Variants in MCF2L observed in about 807,000 individuals in gnomAD.
MCF2L encodes MCF.2 cell line derived transforming sequence like, also known as guanine nucleotide exchange factor DBS.
MCF2L carries 97 observed loss-of-function variants against 153.4 expected under a neutral mutation model. The ratio of observed to expected loss-of-function variants is 0.63; its 90% CI spans 0.54 to 0.75. The LOEUF (loss-of-function observed/expected upper bound fraction) is 0.75. Ranked by LOEUF, MCF2L falls within the 30% of genes least tolerant of loss-of-function variation. The probability of loss-of-function intolerance (pLI) is 0.00; values close to 1 mark genes in which losing one functional copy is unlikely to be tolerated. For synonymous variants in MCF2L, 659 were observed against 632.2 expected, an observed-to-expected ratio of 1.04 and a Z score of -0.64; for missense variants, 1,347 against 1,495.2, an observed-to-expected ratio of 0.90 and a Z score of 1.64.
At chr13:112,933,089 C>G (rs2081479985) in intron 2 of MCF2L, among the ~76,000 whole-genome samples, 1 of 152,096 alleles carries the variant, frequency 6.6e-6, no homozygotes, top group Non-Finnish European at 1.5e-5. Flanking sequence ...AAGAAAGAAA[C>G]GAACTTAACC....
intron 2 of MCF2L, among the ~76,000 whole-genome samples, chr13:113,019,568 C>T (rs563147048): frequency 1.2e-4 from 18 of 152,216 alleles, no homozygotes; most frequent in Admixed American, 2.0e-4. Flanking sequence ...ACAGGAATCC[C>T]GTTAGGTTTG....
chr13:112,994,077 T>G (rs1334066166), intron 1 of MCF2L, among the ~76,000 whole-genome samples: 2 of 152,110 alleles, frequency 1.3e-5, no homozygotes, highest in Non-Finnish European at 2.9e-5. Context: ...AGCACCTTCA[T>G]GCGGGGTGCG....
At position 113,089,710 on chromosome 13, in the gene MCF2L, C is replaced by A; in HGVS notation, c.2935C>A (p.Pro979Thr). The change falls in exon 26 of 30, where the codon CCC becomes ACC. Residue 979 changes from proline (P) to threonine (T), a missense_variant. Coordinates refer to ENST00000535094, the MANE Select transcript of MCF2L (RefSeq NM_001112732.3). ...CGTCAGCTCAGCGCCACTGACAAAGCCCCCCGAAAAGGGCAAAGGTGGGTA... is the reference window on the plus strand; with the variant it reads ...CGTCAGCTCAGCGCCACTGACAAAGACCCCCGAAAAGGGCAAAGGTGGGTA... ...GYVSSAPLTK[P>T]PEKGKGWSKT... 6.2e-7 allele frequency: 1 copy of A among 1,613,692 alleles called. No homozygotes were observed. The highest frequency in any genetic ancestry group is 8.5e-7 in the Non-Finnish European group (1 of 1,179,892).
chr13:112,898,726 C>T (rs1332324154), intron 1 of MCF2L, among the ~76,000 whole-genome samples: 1 of 152,194 alleles, frequency 6.6e-6, no homozygotes, highest in Non-Finnish European at 1.5e-5. Flanking sequence ...CCCCCCAAGT[C>T]CCTGAGTCCC....
intron 2 of MCF2L, among the ~76,000 whole-genome samples, chr13:113,020,818 C>T (rs117157691): frequency 1.4e-4 from 21 of 151,016 alleles, no homozygotes; most frequent in Admixed American, 7.9e-4. Flanking sequence ...ATAGTGTGTG[C>T]GCGTGTGAAT....
intron 2 of MCF2L, among the ~76,000 whole-genome samples, chr13:112,911,564 C>A (rs1308263219): frequency 6.6e-6 from 1 of 152,242 alleles, no homozygotes; most frequent in African/African-American, 2.4e-5. Context: ...CTTCCAGAGA[C>A]CTGGGCCCCG....
intron 3 of MCF2L, chr13:113,044,813 A>C (rs771113399): frequency 5.6e-6 from 9 of 1,612,904 alleles, no homozygotes; most frequent in Non-Finnish European, 7.6e-6. Context: ...TTCTCCCAGC[A>C]CCGTAGCCAT....
chr13:112,920,157 C>T (rs767337103), intron 2 of MCF2L, among the ~76,000 whole-genome samples: 4 of 152,174 alleles, frequency 2.6e-5, no homozygotes, highest in Admixed American at 6.5e-5. Context: ...ATCTGGCAGA[C>T]AAGCCCGTGT....
chr13:112,979,827 G>T, intron 1 of MCF2L: 1 of 1,414,562 alleles, frequency 7.1e-7, no homozygotes, highest in East Asian at 2.4e-5. Context: ...TCCTCTCTGC[G>T]GGCAGGTGCC....
chr13:113,004,107 C>T (rs1360909827), intron 1 of MCF2L, among the ~76,000 whole-genome samples: 2 of 152,218 alleles, frequency 1.3e-5, no homozygotes, highest in Non-Finnish European at 2.9e-5. Context: ...GCCCTTCCCT[C>T]GTGGCTGGTG....
upstream of MCF2L, chr13:112,968,514 G>A (rs1005848006): frequency 1.9e-6 from 3 of 1,576,756 alleles, no homozygotes; most frequent in African/African-American, 4.0e-5. Context: ...TCCCTCACTG[G>A]GTCCTGCGTC....
intron 4 of MCF2L, among the ~76,000 whole-genome samples, chr13:113,050,726 CGG>C (rs1218184421): frequency 2.4e-5 from 1 of 41,548 alleles, no homozygotes. Flanking sequence ...GGGGCGGGGG[CGG>C]GGGGGGCGGG....
chr13:113,031,976 G>A lies in MCF2L; in HGVS notation c.278+7218G>A, dbSNP rs150127239. 2.4e-3 allele frequency among the ~76,000 whole-genome samples: 359 copies of A among 152,210 alleles called. 2 individuals are homozygous for A. The highest frequency in any genetic ancestry group is 8.4e-3 in the African/African-American group (347 of 41,496). On this transcript the variant is annotated intron_variant, in intron 3 of 29. Coordinates refer to ENST00000535094, the MANE Select transcript of MCF2L (RefSeq NM_001112732.3). This position sits in a 1 kb window ranked among gnomAD's most constrained non-coding sequence, Gnocchi z 5.5. Reference sequence around the variant, plus strand: ...CACACACGTGCGCACACACACACATGCAAGTGCATGCATACCCCCCCACAG... The same window carrying A: ...CACACACGTGCGCACACACACACATACAAGTGCATGCATACCCCCCCACAG...
chr13:112,971,143 G>A (rs1594412894), intron 1 of MCF2L, among the ~76,000 whole-genome samples: 1 of 152,322 alleles, frequency 6.6e-6, no homozygotes, highest in East Asian at 1.9e-4. Context: ...GTTGAAGGCT[G>A]TAAAACCATC....
At position 113,070,229 on chromosome 13, in the gene MCF2L, G is replaced by C. The variant is rs111528528; in HGVS notation, c.996+56G>C. Reference sequence around the variant, plus strand: ...CCCTGATGCTCACGGGGCCTCCTGTGCCTGCGCCCTGGTCCCAGTGCCGGG... The same window carrying C: ...CCCTGATGCTCACGGGGCCTCCTGTCCCTGCGCCCTGGTCCCAGTGCCGGG... On this transcript the variant is annotated intron_variant, in intron 9 of 29. Transcript: ENST00000535094. The surrounding 1 kb of genome is among the most constrained non-coding windows in gnomAD (Gnocchi z 5.6). The C allele has an allele frequency of 1.7e-3, 2,066 of 1,239,340 alleles. 21 individuals are homozygous for C. In the African/African-American group the frequency reaches 0.029, roughly 17 times the overall value. 76.8% of individuals were successfully genotyped at this position (1,239,340 alleles called of 1,614,324 possible).
At position 113,093,744 on chromosome 13, in the gene MCF2L, C is replaced by G. The variant is rs558682524; in HGVS notation, c.2954-770C>G. ...GATGCATTTGGCAGCAGGTGGGATG[C>G]GCTGGGCCTGCTGCCTGGTTGCTGG... is the stretch of plus-strand genomic sequence containing the variant. On this transcript the variant is annotated intron_variant, in intron 26 of 29. Coordinates refer to ENST00000535094, the MANE Select transcript of MCF2L (RefSeq NM_001112732.3). 3.3e-5 allele frequency: 5 copies of G among 152,488 alleles called. No individual in the cohort carries two copies. In the East Asian group the frequency reaches 9.7e-4, roughly 29 times the overall value. 9.4% of individuals were successfully genotyped at this position (152,488 alleles called of 1,614,324 possible). A position where few individuals can be genotyped will look rare whatever the true frequency, so the allele number is the denominator to read the frequency against.
intron 2 of MCF2L, among the ~76,000 whole-genome samples, chr13:112,914,320 G>A (rs192564231): frequency 4.3e-4 from 66 of 152,254 alleles, no homozygotes; most frequent in African/African-American, 1.5e-3. Context: ...TTCTCCCCTC[G>A]CTCTGTCTTC....
chr13:113,050,994 G>A (rs2087271409), intron 4 of MCF2L, among the ~76,000 whole-genome samples: 1 of 152,084 alleles, frequency 6.6e-6, no homozygotes. Context: ...GCAGGGAACT[G>A]AAATGCGCGC....
intron 1 of MCF2L, among the ~76,000 whole-genome samples, chr13:112,976,426 T>C (rs936900829): frequency 6.6e-6 from 1 of 152,232 alleles, no homozygotes; most frequent in Non-Finnish European, 1.5e-5. Flanking sequence ...GAATGCCTTA[T>C]CTTTTAAAAC....
Sources: gnomAD v4.1 joint callset for allele counts (sites outside exome capture counted in the v4.1 genomes callset) on GRCh38, gnomAD v4.1.1 for gene constraint, Gnocchi (gnomAD v3.1) non-coding constraint, MANE v1.5 for transcripts, NCBI Gene and HGNC (gene_info 2026-07-23, HGNC 2026-07-21) for gene names.